The following NCKAP5 variants were observed in gnomAD, a reference collection of about 807,000 sequenced individuals.
NCKAP5 encodes the protein NCK associated protein 5.
NCKAP5 carries 92 observed loss-of-function variants against 167.0 expected under a neutral mutation model. That is an observed-to-expected ratio of 0.55 (90% CI 0.47 to 0.66). NCKAP5 has a LOEUF of 0.66. Among genes scored for constraint, NCKAP5 ranks in the 30% least tolerant of loss-of-function variants. The pLI is 0.00. For synonymous variants in NCKAP5, 891 were observed against 877.4 expected, an observed-to-expected ratio of 1.02 and a Z score of -0.27; for missense variants, 2,378 against 2,315.0, an observed-to-expected ratio of 1.03 and a Z score of -0.56.
chr2:132,706,401 T>C (rs1688365846), intron 19 of NCKAP5, among the ~76,000 whole-genome samples: 1 of 152,212 alleles, frequency 6.6e-6, no homozygotes, highest in Admixed American at 6.5e-5. Flanking sequence ...TAGTACTGGC[T>C]AAATCACTGG....
chr2:133,664,797 C>T, the NCKAP5 span, among the ~76,000 whole-genome samples: 7 of 152,208 alleles, frequency 4.6e-5, no homozygotes, highest in South Asian at 4.1e-4. Context: ...CGCACCCAGC[C>T]GAAAATCTGT....
intron 8 of NCKAP5, among the ~76,000 whole-genome samples, chr2:132,902,552 C>A (rs1304012517): frequency 1.3e-5 from 2 of 152,210 alleles, no homozygotes; most frequent in Admixed American, 6.5e-5. Context: ...ACATTAAAAG[C>A]TGCCCAGGTA....
intron 4 of NCKAP5, among the ~76,000 whole-genome samples, chr2:133,228,465 C>T (rs964136542): frequency 1.3e-5 from 2 of 152,170 alleles, no homozygotes; most frequent in African/African-American, 4.8e-5. Flanking sequence ...TTGACCCCTT[C>T]CTAGTTATTG....
intron 3 of NCKAP5, among the ~76,000 whole-genome samples, chr2:133,343,861 T>A (rs529493996): frequency 6.6e-6 from 1 of 152,076 alleles, no homozygotes; most frequent in African/African-American, 2.4e-5. Context: ...TTTGCCATAG[T>A]GTAAGTGCAC....
rs375859736 is a variant in NCKAP5 at position 133,342,335 on chromosome 2, T to G, written c.70-39225A>C. 1.6e-4 allele frequency among the ~76,000 whole-genome samples: 24 copies of G among 152,304 alleles called. No homozygotes were observed. In the East Asian group the frequency reaches 2.7e-3, roughly 17 times the overall value. Reference sequence around the variant, plus strand: ...GCAGCATTTTAACTAGTATTGCAGATGATCTTATGCAGATGACCCACGGAC... The same window carrying G: ...GCAGCATTTTAACTAGTATTGCAGAGGATCTTATGCAGATGACCCACGGAC... On this transcript the variant is annotated intron_variant, in intron 3 of 19. Transcript: ENST00000409261.
At chr2:133,108,766 T>C (rs894957114) in intron 6 of NCKAP5, among the ~76,000 whole-genome samples, 3 of 152,216 alleles carry the variant, frequency 2.0e-5, no homozygotes, top group African/African-American at 7.2e-5. Flanking sequence ...ATTTAAGACA[T>C]AAAAGTAAGG....
At position 132,943,064 on chromosome 2, in the gene NCKAP5, T is replaced by C. The variant is rs187565998; in HGVS notation, c.579+20656A>G. ...AATCCACTTCATTCAAGTAAGAGGT[T>C]CTGGGACTTTAAAATCAAGTAGGGT... On this transcript the variant is annotated intron_variant, in intron 8 of 19. Coordinates refer to ENST00000409261, the MANE Select transcript of NCKAP5 (RefSeq NM_207363.3). Among the ~76,000 whole-genome samples the C allele has an allele frequency of 1.3e-4, 20 of 152,354 alleles. No individual in the cohort carries two copies. In the East Asian group the frequency reaches 3.7e-3, roughly 28 times the overall value.
intron 11 of NCKAP5, among the ~76,000 whole-genome samples, chr2:132,835,853 G>A (rs2105390906): frequency 6.6e-6 from 1 of 152,146 alleles, no homozygotes; most frequent in South Asian, 2.1e-4. Flanking sequence ...TCTCTACCTT[G>A]GGGGCCTACC....
At chr2:132,910,802 T>TTTGGA (rs1266681943) in intron 8 of NCKAP5, among the ~76,000 whole-genome samples, 1 of 152,198 alleles carries the variant, frequency 6.6e-6, no homozygotes, top group African/African-American at 2.4e-5. Flanking sequence ...ATGTATAAGC[T>TTTGGA]TTGGATTGGA....
At chr2:133,312,329 C>A (rs1681298184) in intron 3 of NCKAP5, among the ~76,000 whole-genome samples, 1 of 152,282 alleles carries the variant, frequency 6.6e-6, no homozygotes. Flanking sequence ...GTAAAACATA[C>A]TTCAATTTGT....
At chr2:132,868,536 C>T (rs1690537691) in intron 10 of NCKAP5, among the ~76,000 whole-genome samples, 1 of 152,136 alleles carries the variant, frequency 6.6e-6, no homozygotes, top group Admixed American at 6.5e-5. Flanking sequence ...AACTAGGGCT[C>T]AGGGAAATTA....
intron 3 of NCKAP5, among the ~76,000 whole-genome samples, chr2:133,307,740 G>A (rs2150591503): frequency 6.6e-6 from 1 of 152,180 alleles, no homozygotes; most frequent in Admixed American, 6.5e-5. Flanking sequence ...AAAAACTTAT[G>A]TTTTTATGCA....
intron 16 of NCKAP5, among the ~76,000 whole-genome samples, chr2:132,732,837 G>A (rs1691159109): frequency 6.6e-6 from 1 of 152,146 alleles, no homozygotes. Flanking sequence ...TGACTGTGGG[G>A]ACAAGTAATT....
intron 19 of NCKAP5, among the ~76,000 whole-genome samples, chr2:132,686,438 T>G (rs1685947972): frequency 6.6e-6 from 1 of 152,210 alleles, no homozygotes; most frequent in Non-Finnish European, 1.5e-5. Context: ...TGTCCCTTCA[T>G]CCCTGTGTGG....
Position 132,782,613 on chromosome 2 carries a change from T to C in NCKAP5, c.4198A>G (p.Asn1400Asp). Residue 1400 changes from asparagine to aspartate, a missense_variant, in exon 14 of 20, where the codon AAT becomes GAT. By Grantham distance (23) the Asn-to-Asp change is conservative (BLOSUM62 1). Around this residue, in one of 3 missense-constraint regions of NCKAP5, gnomAD observed 1,325 missense variants for 1,274.5 expected, o/e 1.04. Coordinates refer to ENST00000409261, the MANE Select transcript of NCKAP5 (RefSeq NM_207363.3). ...AFTQGECPSA[N>D]VAVLGEPGSD... ...CCTGGTTCCCCAAGTACAGCCACAT[T>C]GGCACTGGGGCACTCTCCCTGGGTG... 6.3e-7 allele frequency: 1 copy of C among 1,594,820 alleles called. No individual in the cohort carries two copies. Among genetic ancestry groups the C allele is most frequent in the Non-Finnish European group, 8.5e-7 (1 of 1,170,300 alleles).
At chr2:133,349,733 A>G (rs905482594) in intron 3 of NCKAP5, among the ~76,000 whole-genome samples, 3 of 152,166 alleles carry the variant, frequency 2.0e-5, no homozygotes, top group East Asian at 1.9e-4. Flanking sequence ...AGTCCAGAGT[A>G]GCCCATTAGT....
intron 8 of NCKAP5, among the ~76,000 whole-genome samples, chr2:132,909,474 G>A (rs765721376): frequency 1.3e-5 from 2 of 152,128 alleles, no homozygotes; most frequent in Non-Finnish European, 2.9e-5. Context: ...TCTTATGCTA[G>A]GGTATTCAAA....
intron 3 of NCKAP5, among the ~76,000 whole-genome samples, chr2:133,406,636 A>T (rs2151040875): frequency 6.6e-6 from 1 of 152,262 alleles, no homozygotes; most frequent in East Asian, 1.9e-4. Flanking sequence ...CAACTGAAAA[A>T]CAGTTAGGAA....
chr2:133,337,777 A>G (rs1368279765), intron 3 of NCKAP5, among the ~76,000 whole-genome samples: 2 of 152,230 alleles, frequency 1.3e-5, no homozygotes, highest in African/African-American at 4.8e-5. Flanking sequence ...ATGAATTTCT[A>G]TTCTTTAAGC....
Sources: gnomAD v4.1 joint callset for allele counts (sites outside exome capture counted in the v4.1 genomes callset) on GRCh38, gnomAD v4.1.1 for gene constraint, gnomAD v4.1.1 regional missense constraint, MANE v1.5 for transcripts, NCBI Gene and HGNC (gene_info 2026-07-23, HGNC 2026-07-21) for gene names.